SORCS2: variants seen among roughly 807,000 people sequenced by gnomAD.
SORCS2 encodes sortilin related VPS10 domain containing receptor 2.
A neutral mutation model predicts 141.6 loss-of-function variants in SORCS2; 100 were observed. The observed-to-expected ratio is 0.71, with a 90% CI of 0.60 to 0.83. The LOEUF is 0.83. Among genes scored for constraint, SORCS2 ranks in the 40% least tolerant of loss-of-function variants. SORCS2 has a pLI of 0.00. For synonymous variants in SORCS2, 789 were observed against 676.9 expected (o/e 1.17, Z -2.57); for missense variants, 1,646 against 1,560.2 (o/e 1.05, Z -0.93).
chr4:7,239,940 C>T (rs186642831), intron 1 of SORCS2, among the ~76,000 whole-genome samples: 45 of 152,064 alleles, frequency 3.0e-4, no homozygotes, highest in Middle Eastern at 3.4e-3. Context: ...AATCTTGTGC[C>T]GTCTGTTTGG....
At chr4:7,294,703 T>G (rs1577364542) in intron 1 of SORCS2, among the ~76,000 whole-genome samples, 1 of 33,618 alleles carries the variant, frequency 3.0e-5, no homozygotes. Flanking sequence ...ATCCTCTCCC[T>G]CCCCTCCTCC....
intron 18 of SORCS2, among the ~76,000 whole-genome samples, chr4:7,720,575 A>G (rs1038960335): frequency 6.6e-6 from 1 of 152,232 alleles, no homozygotes; most frequent in Non-Finnish European, 1.5e-5. Flanking sequence ...GGCAAGCTAC[A>G]GAGTGAGAGA....
At position 7,417,667 on chromosome 4, in the gene SORCS2, G is replaced by A. The variant is rs527729661; in HGVS notation, c.548+21312G>A. ...CCGCTCTTCCCGGAACGTGGCCCTT[G>A]GCCCCTATCACTTCCCCTGACCCTG... On this transcript the variant is annotated intron_variant, in intron 2 of 26. Coordinates refer to ENST00000507866, the MANE Select transcript of SORCS2 (RefSeq NM_020777.3). Among the ~76,000 whole-genome samples, 4 of 152,034 alleles carry A rather than the reference G, an allele frequency of 2.6e-5. No homozygotes were observed. The South Asian group carries it at 8.3e-4, about 32-fold the overall frequency.
intron 1 of SORCS2, among the ~76,000 whole-genome samples, chr4:7,200,590 A>T (rs1316079095): frequency 4.6e-5 from 7 of 152,224 alleles, no homozygotes; most frequent in Non-Finnish European, 7.3e-5. Context: ...ACCGGGAATG[A>T]AGTAGAAGAG....
chr4:7,560,845 A>G (rs1216022454), intron 3 of SORCS2, among the ~76,000 whole-genome samples: 1 of 152,194 alleles, frequency 6.6e-6, no homozygotes, highest in East Asian at 1.9e-4. Flanking sequence ...TCTGAGAGTT[A>G]GACACTTGTT....
intron 3 of SORCS2, among the ~76,000 whole-genome samples, chr4:7,577,313 T>C (rs1188826860): frequency 2.0e-5 from 3 of 152,154 alleles, no homozygotes; most frequent in Non-Finnish European, 4.4e-5. Flanking sequence ...GGTAGACAGG[T>C]AAAGCCAGGT....
intron 3 of SORCS2, among the ~76,000 whole-genome samples, chr4:7,627,936 A>T (rs1444809179): frequency 6.6e-6 from 1 of 152,256 alleles, no homozygotes; most frequent in Admixed American, 6.5e-5. Context: ...CTTGAGAAAC[A>T]GCTGCCAATT....
At chr4:7,522,555 G>T (rs1187137112) in intron 2 of SORCS2, among the ~76,000 whole-genome samples, 1 of 152,150 alleles carries the variant, frequency 6.6e-6, no homozygotes, top group South Asian at 2.1e-4. Flanking sequence ...ACGGCACCAG[G>T]CACAGAGAGA....
At chr4:7,474,951 T>C (rs1730202095) in intron 2 of SORCS2, among the ~76,000 whole-genome samples, 2 of 152,070 alleles carry the variant, frequency 1.3e-5, no homozygotes, top group South Asian at 4.1e-4. Context: ...CCAGTCACTG[T>C]CTCCATCTTC....
chr4:7,417,349 T>C (rs1464111964), intron 2 of SORCS2, among the ~76,000 whole-genome samples: 1 of 152,120 alleles, frequency 6.6e-6, no homozygotes, highest in Non-Finnish European at 1.5e-5. Context: ...GTCCACAAAA[T>C]GGGAGCTGAC....
At chr4:7,629,334 A>T (rs964756749) in intron 3 of SORCS2, among the ~76,000 whole-genome samples, 2 of 152,178 alleles carry the variant, frequency 1.3e-5, no homozygotes, top group Non-Finnish European at 2.9e-5. Context: ...CCGGAGCCAG[A>T]ACATAGAGTG....
chr4:7,319,964 G>C (rs943955742), intron 1 of SORCS2, among the ~76,000 whole-genome samples: 1 of 152,094 alleles, frequency 6.6e-6, no homozygotes, highest in South Asian at 2.1e-4. Context: ...TGGTTGAGTT[G>C]GTGGTGTGGA....
chr4:7,324,689 G>T (rs766915790), intron 1 of SORCS2, among the ~76,000 whole-genome samples: 12 of 152,094 alleles, frequency 7.9e-5, no homozygotes, highest in Non-Finnish European at 1.5e-4. Flanking sequence ...CCTCCACCCT[G>T]CAAAAAACAA....
At chr4:7,581,829 A>T (rs1028828891) in intron 3 of SORCS2, among the ~76,000 whole-genome samples, 1 of 152,216 alleles carries the variant, frequency 6.6e-6, no homozygotes, top group Non-Finnish European at 1.5e-5. Flanking sequence ...CTCATTAGAG[A>T]CAACTAAAAT....
rs748142822 is a variant in SORCS2, at chr4:7,667,529, G to A, written c.1161+316G>A. On this transcript the variant is annotated intron_variant, in intron 8 of 26. Coordinates refer to ENST00000507866, the MANE Select transcript of SORCS2 (RefSeq NM_020777.3). Reference sequence around the variant, plus strand: ...ATCACTTGCTAAAGGCCCCCCAGGCGGGCCCAGTCCTCTGTTTTCTGGTCC... The same window carrying A: ...ATCACTTGCTAAAGGCCCCCCAGGCAGGCCCAGTCCTCTGTTTTCTGGTCC... Among the ~76,000 whole-genome samples, 7 of 152,254 alleles carry A rather than the reference G, an allele frequency of 4.6e-5. No homozygotes were observed. The South Asian group carries it at 6.2e-4, about 14-fold the overall frequency.
At chr4:7,608,285 G>A (rs1577833782) in intron 3 of SORCS2, among the ~76,000 whole-genome samples, 1 of 152,186 alleles carries the variant, frequency 6.6e-6, no homozygotes, top group East Asian at 1.9e-4. Context: ...CCACTCCTCA[G>A]AGAAGGCTGC....
At chr4:7,476,658 A>C (rs1346314118) in intron 2 of SORCS2, among the ~76,000 whole-genome samples, 1 of 152,176 alleles carries the variant, frequency 6.6e-6, no homozygotes, top group African/African-American at 2.4e-5. Context: ...CTGGGCCAGC[A>C]GTCCCCAAGT....
At chr4:7,289,797 C>T (rs1716488822) in intron 1 of SORCS2, among the ~76,000 whole-genome samples, 1 of 152,208 alleles carries the variant, frequency 6.6e-6, no homozygotes, top group African/African-American at 2.4e-5. Context: ...GCTATTTGCA[C>T]ATCCCAAATA....
chr4:7,641,116 C>T (rs1352414493), intron 4 of SORCS2, among the ~76,000 whole-genome samples: 1 of 152,206 alleles, frequency 6.6e-6, no homozygotes, highest in Non-Finnish European at 1.5e-5. Context: ...CCCAGTATTT[C>T]ACACTCTTCC....
Sources: gnomAD v4.1 joint callset for allele counts (sites outside exome capture counted in the v4.1 genomes callset) on GRCh38, gnomAD v4.1.1 for gene constraint, MANE v1.5 for transcripts, NCBI Gene and HGNC (gene_info 2026-07-23, HGNC 2026-07-21) for gene names.